VAT1L: variants seen among roughly 807,000 people sequenced by gnomAD.
VAT1L encodes the protein vesicle amine transport 1 like.
A neutral mutation model predicts 44.1 loss-of-function variants in VAT1L; 34 were observed. The observed-to-expected ratio is 0.77, with a 90% confidence interval of 0.59 to 1.03. VAT1L has a LOEUF of 1.03. Ranked by LOEUF, VAT1L falls within the 50% of genes least tolerant of loss-of-function variation. VAT1L has a pLI of 0.00. For missense variants in VAT1L, 615 were observed against 538.8 expected, an observed-to-expected ratio of 1.14 and a Z score of -1.40; for synonymous variants, 253 against 202.2, an observed-to-expected ratio of 1.25 and a Z score of -2.13.
At position 77,844,860 on chromosome 16, in the gene VAT1L, G is replaced by GTATA. The variant is rs35465967; in HGVS notation, c.580-17878_580-17875dup. Among the ~76,000 whole-genome samples, 626 of 151,354 alleles carry GTATA rather than the reference G, an allele frequency of 4.1e-3. 7 individuals carry two copies. The highest frequency in any genetic ancestry group is 0.013 in the African/African-American group (552 of 41,252). On this transcript the variant is annotated intron_variant, in intron 3 of 8. Coordinates refer to ENST00000302536, the MANE Select transcript of VAT1L (RefSeq NM_020927.3). ...ACGATAAATACGTGTGTGTGCATGT[G>GTATA]TATATATATATATGAAAGGATCAAG...
intron 7 of VAT1L, among the ~76,000 whole-genome samples, chr16:77,967,395 G>A (rs975820636): frequency 3.9e-5 from 6 of 152,196 alleles, no homozygotes; most frequent in African/African-American, 1.4e-4. Context: ...AGCAACTTAT[G>A]CAAAGGGCCT....
chr16:77,968,582 G>A lies in VAT1L; in HGVS notation c.1078-3268G>A, dbSNP rs930257271. 4.6e-5 allele frequency among the ~76,000 whole-genome samples: 7 copies of A among 151,978 alleles called. No individual in the cohort carries two copies. In the South Asian group the frequency reaches 6.2e-4, roughly 14 times the overall value. Reference sequence around the variant, plus strand: ...CTGCTAAAAATACAAAAAATTAGCCGGGCGTGGTGGCAGGCGCCTGTAGTC... The same window carrying A: ...CTGCTAAAAATACAAAAAATTAGCCAGGCGTGGTGGCAGGCGCCTGTAGTC... On this transcript the variant is annotated intron_variant, in intron 7 of 8. Coordinates refer to ENST00000302536, the MANE Select transcript of VAT1L (RefSeq NM_020927.3).
intron 7 of VAT1L, among the ~76,000 whole-genome samples, chr16:77,960,261 T>G (rs1042957622): frequency 6.6e-6 from 1 of 152,122 alleles, no homozygotes; most frequent in Non-Finnish European, 1.5e-5. Context: ...TAACAGTTAG[T>G]ACACACTCAG....
intron 3 of VAT1L, among the ~76,000 whole-genome samples, chr16:77,855,109 A>G (rs1446779001): frequency 6.6e-6 from 1 of 152,158 alleles, no homozygotes; most frequent in African/African-American, 2.4e-5. Flanking sequence ...TGGGAGGCTG[A>G]AGCAGGCAGA....
chr16:77,950,850 A>C (rs1432133043), intron 7 of VAT1L, among the ~76,000 whole-genome samples: 1 of 152,232 alleles, frequency 6.6e-6, no homozygotes, highest in Non-Finnish European at 1.5e-5. Flanking sequence ...TTTCCTATAC[A>C]AACTGTTTAT....
At chr16:77,976,133 T>C (rs919311696) in intron 8 of VAT1L, among the ~76,000 whole-genome samples, 45 of 152,232 alleles carry the variant, frequency 3.0e-4, no homozygotes, top group African/African-American at 1.1e-3. Context: ...TTGTTGCATA[T>C]GTACCTAGTG....
chr16:77,953,567 G>A (rs1485642759), intron 7 of VAT1L, among the ~76,000 whole-genome samples: 1 of 151,978 alleles, frequency 6.6e-6, no homozygotes, highest in South Asian at 2.1e-4. Flanking sequence ...TTGATAAAGG[G>A]TCTCACTCTG....
chr16:77,898,011 G>T (rs74572516), intron 7 of VAT1L, among the ~76,000 whole-genome samples: 6,561 of 152,242 alleles, frequency 0.043, 496 homozygotes, highest in African/African-American at 0.15. Flanking sequence ...CAAAGTGTCT[G>T]CAGGGTCTGT....
At chr16:77,952,422 G>C (rs1182092895) in intron 7 of VAT1L, among the ~76,000 whole-genome samples, 1 of 152,100 alleles carries the variant, frequency 6.6e-6, no homozygotes, top group African/African-American at 2.4e-5. Flanking sequence ...AGACCTGGTA[G>C]TTTAAAATTG....
chr16:77,892,800 TG>T, intron 7 of VAT1L: 1 of 798,662 alleles, frequency 1.3e-6, no homozygotes, highest in Non-Finnish European at 2.3e-6. Flanking sequence ...GGCAAGCATG[TG>T]GTCTTTGACA....
intron 7 of VAT1L, among the ~76,000 whole-genome samples, chr16:77,890,296 C>G (rs971823382): frequency 3.3e-5 from 5 of 152,038 alleles, no homozygotes; most frequent in African/African-American, 1.2e-4. Context: ...CTGGGCTAAA[C>G]AAAGCAGAAG....
At chr16:77,947,247 A>G (rs971774810) in intron 7 of VAT1L, among the ~76,000 whole-genome samples, 3 of 152,222 alleles carry the variant, frequency 2.0e-5, no homozygotes, top group Admixed American at 6.5e-5. Flanking sequence ...AGTGCTAATT[A>G]AAGTGGATGA....
chr16:77,917,035 A>G (rs2017559648), intron 7 of VAT1L, among the ~76,000 whole-genome samples: 1 of 152,200 alleles, frequency 6.6e-6, no homozygotes, highest in Non-Finnish European at 1.5e-5. Flanking sequence ...TTCATCCACC[A>G]GCACTTGAAG....
Position 77,945,278 on chromosome 16 carries a change from C to CTTTTTTTTTTTTTTTTTTT in VAT1L, c.1078-26556_1078-26555insTTTTTTTTTTTTTTTTTTT, listed in dbSNP as rs56055464. Among the ~76,000 whole-genome samples the CTTTTTTTTTTTTTTTTTTT allele has an allele frequency of 4.8e-5, 4 of 83,062 alleles. 1 individual carries two copies. The highest frequency in any genetic ancestry group is 8.7e-5 in the Non-Finnish European group (4 of 45,746). The allele number at this position is 83,062 out of a possible 152,430, so 54.5% of individuals were successfully genotyped here. A position where few individuals can be genotyped will look rare whatever the true frequency, so the allele number is the denominator to read the frequency against. On this transcript the variant is annotated intron_variant, in intron 7 of 8. Coordinates refer to ENST00000302536, the MANE Select transcript of VAT1L (RefSeq NM_020927.3). ...GAATGGCCAATTCCAGATTGCAGAA[C>CTTTTTTTTTTTTTTTTTTT]TTTTTTTTTTTTTTTTGAGAGAGAG...
intron 3 of VAT1L, among the ~76,000 whole-genome samples, chr16:77,858,337 T>C (rs1253360151): frequency 6.6e-6 from 1 of 152,060 alleles, no homozygotes; most frequent in Non-Finnish European, 1.5e-5. Flanking sequence ...GGGGAAAGCA[T>C]GTGGGGAAAC....
intron 7 of VAT1L, among the ~76,000 whole-genome samples, chr16:77,951,223 G>A (rs1419029684): frequency 6.6e-6 from 1 of 152,206 alleles, no homozygotes; most frequent in East Asian, 1.9e-4. Flanking sequence ...GGGAACAGCA[G>A]CAAAGTGGAA....
chr16:77,797,173 G>A (rs1269823683), intron 1 of VAT1L, among the ~76,000 whole-genome samples: 2 of 151,404 alleles, frequency 1.3e-5, no homozygotes, highest in East Asian at 3.9e-4. Context: ...GTGCAATGGC[G>A]CTATCTTGGC....
chr16:77,938,485 A>G (rs891715200), intron 7 of VAT1L, among the ~76,000 whole-genome samples: 1 of 152,144 alleles, frequency 6.6e-6, no homozygotes, highest in African/African-American at 2.4e-5. Context: ...GTGGGAGGTG[A>G]CTGGATCATG....
chr16:77,972,143 A>G (rs916408606), intron 8 of VAT1L, among the ~76,000 whole-genome samples: 3 of 152,192 alleles, frequency 2.0e-5, no homozygotes, highest in African/African-American at 4.8e-5. Context: ...CAGTGAGAGC[A>G]TATCAAAAGC....
Sources: gnomAD v4.1 joint callset for allele counts (sites outside exome capture counted in the v4.1 genomes callset) on GRCh38, gnomAD v4.1.1 for gene constraint, MANE v1.5 for transcripts, NCBI Gene and HGNC (gene_info 2026-07-23, HGNC 2026-07-21) for gene names.